The following PDCD11 variants were observed in gnomAD, a reference collection of about 807,000 sequenced individuals.
PDCD11 encodes programmed cell death 11, also known as protein RRP5 homolog.
PDCD11 carries 97 observed loss-of-function variants against 198.9 expected under a neutral mutation model. The observed-to-expected ratio is 0.49, with a 90% CI of 0.41 to 0.58. The LOEUF (loss-of-function observed/expected upper bound fraction) is 0.58, where lower values mean the gene tolerates loss of function less well. Ranked by LOEUF, PDCD11 falls within the 20% of genes least tolerant of loss-of-function variation. The pLI, the probability that PDCD11 is intolerant of heterozygous loss-of-function variation, is 0.00. For missense variants in PDCD11, 2,102 were observed against 2,312.7 expected (o/e 0.91, Z 1.87); for synonymous variants, 893 against 918.0 (o/e 0.97, Z 0.49).
chr10:103,431,985 T>G, intron 21 of PDCD11, 144 bp from the exon 22 acceptor site: 6 of 597,426 alleles, frequency 1.0e-5, no homozygotes, highest in African/African-American at 1.9e-5. Flanking sequence ...ACATTCCCCT[T>G]TGAGGAGAGA....
chr10:103,406,081 C>T lies in PDCD11; in HGVS notation c.661C>T (p.Gln221Ter). ...TRAFLPLLKA[Q>*]EYIRQKNKGA... ...AGCTTTTCTGCCACTGCTGAAAGCC[C>T]AGGAGTACATCAGACAGAAGAACAA... The change falls in exon 6 of 36, where the codon CAG becomes TAG. Residue 221 changes from glutamine to a stop codon, truncating the protein, a stop_gained. Transcript: ENST00000369797. LOFTEE classifies it high-confidence loss of function. 6.2e-7 allele frequency: 1 copy of T among 1,613,990 alleles called. No individual in the cohort carries two copies. Among genetic ancestry groups the T allele is most frequent in the Non-Finnish European group, 8.5e-7 (1 of 1,179,994 alleles).
intron 9 of PDCD11, among the ~76,000 whole-genome samples, chr10:103,413,764 G>A (rs868377087): frequency 6.6e-6 from 1 of 152,212 alleles, no homozygotes; most frequent in Non-Finnish European, 1.5e-5. Flanking sequence ...TGACTGACCT[G>A]TGTTCTGGAC....
chr10:103,440,271 C>G lies in PDCD11; in HGVS notation c.4149-19C>G. The G allele has an allele frequency of 6.3e-7, 1 of 1,595,714 alleles. No individual in the cohort carries two copies. Among genetic ancestry groups the G allele is most frequent in the South Asian group, 1.1e-5 (1 of 87,962 alleles). On this transcript the variant is annotated intron_variant, in intron 28 of 35. Coordinates refer to ENST00000369797, the MANE Select transcript of PDCD11 (RefSeq NM_014976.2). Reference sequence around the variant, plus strand: ...TGCTTTTTATGATGTCTTTACCTCCCCATCTTGCTCTGTCATAGCCTTAAC... The same window carrying G: ...TGCTTTTTATGATGTCTTTACCTCCGCATCTTGCTCTGTCATAGCCTTAAC...
At chr10:103,426,592 C>G (rs1182300395) in intron 20 of PDCD11, among the ~76,000 whole-genome samples, 2 of 151,952 alleles carry the variant, frequency 1.3e-5, no homozygotes, top group East Asian at 3.9e-4. Context: ...ATCAGGAGTT[C>G]AAGACTAGCC....
chr10:103,413,971 C>G lies in PDCD11; in HGVS notation c.1191C>G (p.Ser397Arg). The G allele has an allele frequency of 1.2e-6, 2 of 1,610,362 alleles. No homozygotes were observed. Among genetic ancestry groups the G allele is most frequent in the Non-Finnish European group, 1.7e-6 (2 of 1,178,170 alleles). The part of the protein sequence containing the change: ...KDGVLAYARL[S>R]HLSDSKNVFN... ...AATCACTTGGTACTTTGCAGCTCAG[C>G]CATCTCTCTGATTCTAAGAACGTCT... The change falls in exon 10 of 36, where the codon AGC becomes AGG. Residue 397 changes from serine to arginine, a missense_variant. Physicochemically the swap from Ser to Arg is moderately radical, Grantham distance 110. Transcript: ENST00000369797.
intron 19 of PDCD11, 140 bp from the exon 20 acceptor site, chr10:103,424,844 G>A (rs1483636714): frequency 2.4e-6 from 2 of 848,770 alleles, no homozygotes; most frequent in Non-Finnish European, 3.7e-6. Context: ...AGGCTAGTCT[G>A]TTCCAGCTCA....
rs751904123 is a variant in PDCD11, at chr10:103,421,342, G to C, written c.2278-6G>C. 1.5e-5 allele frequency: 24 copies of C among 1,600,224 alleles called. No individual in the cohort carries two copies. Among genetic ancestry groups the C allele is most frequent in the Non-Finnish European group, 1.8e-5 (21 of 1,172,260 alleles). On this transcript the variant is annotated splice_region_variant and splice_polypyrimidine_tract_variant and intron_variant, in intron 16 of 35. Coordinates refer to ENST00000369797, the MANE Select transcript of PDCD11 (RefSeq NM_014976.2). ...CTTCTCATCTCCTGCCTGTTCTTCT[G>C]TTCAGATCATGAGTGACAAATTTGT...
chr10:103,405,373 A>G, intron 5 of PDCD11, 190 bp downstream of exon 5: 1 of 491,064 alleles, frequency 2.0e-6, no homozygotes, highest in South Asian at 3.1e-5. Flanking sequence ...TAATCATTAC[A>G]TTGGAGAAGA....
chr10:103,401,769 G>A (rs550138741), intron 3 of PDCD11, among the ~76,000 whole-genome samples: 28 of 151,024 alleles, frequency 1.9e-4, no homozygotes, highest in Middle Eastern at 3.4e-3. Context: ...ACGGAGTCTC[G>A]CACAGTCGCC....
chr10:103,398,442 G>A lies in PDCD11; in HGVS notation c.16G>A (p.Glu6Lys), dbSNP rs747495986. 1.2e-6 allele frequency: 2 copies of A among 1,613,804 alleles called. No individual in the cohort carries two copies. The highest frequency in any genetic ancestry group is 2.2e-5 in the South Asian group (2 of 91,082). Residue 6 changes from glutamate to lysine, a missense_variant, in exon 2 of 36, where the codon GAA (glutamate) becomes AAA (lysine). Coordinates refer to ENST00000369797, the MANE Select transcript of PDCD11 (RefSeq NM_014976.2). ...AGACCCAAACATGGCAAACCTGGAA[G>A]AAAGCTTCCCCCGAGGAGGTACAAG... MANLE[E>K]SFPRGGTRKI...
chr10:103,398,158 C>T (rs190219728), intron 1 of PDCD11, among the ~76,000 whole-genome samples: 1 of 152,336 alleles, frequency 6.6e-6, no homozygotes, highest in Admixed American at 6.5e-5. Context: ...ACTGTAGCTT[C>T]TTAGTGAGTA....
At chr10:103,429,245 TA>T (rs1185958903) in intron 21 of PDCD11, among the ~76,000 whole-genome samples, 2 of 152,194 alleles carry the variant, frequency 1.3e-5, no homozygotes, top group African/African-American at 4.8e-5. Flanking sequence ...TCAGGAGTCT[TA>T]AACGGTGTCT....
intron 3 of PDCD11, among the ~76,000 whole-genome samples, chr10:103,402,149 G>T (rs969502637): frequency 1.3e-5 from 2 of 152,186 alleles, no homozygotes; most frequent in African/African-American, 4.8e-5. Flanking sequence ...TAATGACAAG[G>T]AGCTGAGTAG....
At chr10:103,429,051 G>A (rs951497118) in intron 21 of PDCD11, among the ~76,000 whole-genome samples, 8 of 152,194 alleles carry the variant, frequency 5.3e-5, no homozygotes, top group African/African-American at 1.9e-4. Context: ...TTAACTGACA[G>A]TTTTGACTTA....
chr10:103,425,609 A>T, intron 20 of PDCD11, 84 bp downstream of exon 20: 1 of 1,184,366 alleles, frequency 8.4e-7, no homozygotes, highest in African/African-American at 1.5e-5. Context: ...GGCTCCAAAA[A>T]GTTGCATGTA....
intron 6 of PDCD11, among the ~76,000 whole-genome samples, chr10:103,406,346 T>G (rs562684931): frequency 6.6e-6 from 1 of 152,288 alleles, no homozygotes; most frequent in South Asian, 2.1e-4. Flanking sequence ...CCTGGAAGAT[T>G]CCACTGCAAT....
chr10:103,423,455 T>TAGCTG, intron 18 of PDCD11, 88 bp from the exon 19 acceptor site: 1 of 1,004,426 alleles, frequency 1.0e-6, no homozygotes, highest in South Asian at 1.4e-5. Context: ...CTTTTTTGGA[T>TAGCTG]CTAAGGGGTA....
rs1374157732 is a variant in PDCD11, at chr10:103,438,026, T to A, written c.3857T>A (p.Leu1286Gln). 1 of 1,613,558 alleles carries A rather than the reference T, an allele frequency of 6.2e-7. No homozygotes were observed. Among genetic ancestry groups the A allele is most frequent in the Non-Finnish European group, 8.5e-7 (1 of 1,179,476 alleles). The change falls in exon 26 of 36, where the codon CTG (leucine) becomes CAG (glutamine). Residue 1286 changes from leucine to glutamine, a missense_variant. Transcript: ENST00000369797. The part of the protein sequence containing the change: ...VPQKVVRCYI[L>Q]STADNVLTLS... ...TTGCCTTCATTCAGATGTTACATCC[T>A]GTCCACTGCAGACAACGTATTGACT...
Position 103,414,040 on chromosome 10 carries a change from A to G in PDCD11, c.1260A>G (p.Arg420=). Residue 420 remains arginine (R), a synonymous_variant, in exon 10 of 36, where the codon AGA becomes AGG. Transcript: ENST00000369797. ...AGCCAGGGAACACTCACAAGTGTAG[A>G]ATTATTGACTACAGCCAAATGGATG... ...AFKPGNTHKC[R]IIDYSQMDEL... 6.2e-7 allele frequency: 1 copy of G among 1,613,544 alleles called. No individual in the cohort carries two copies. The highest frequency in any genetic ancestry group is 8.5e-7 in the Non-Finnish European group (1 of 1,179,802).
Sources: allele counts gnomAD v4.1 joint callset (sites outside exome capture counted in the v4.1 genomes callset), GRCh38; gene constraint gnomAD v4.1.1; transcripts MANE v1.5; gene names NCBI Gene and HGNC (gene_info 2026-07-23, HGNC 2026-07-21).